The following ITGA9 variants were observed in gnomAD, a reference collection of about 807,000 sequenced individuals.
ITGA9 encodes the protein integrin alpha-9.
Under a neutral mutation model 127.8 loss-of-function variants are expected in ITGA9, and 56 were observed. The observed-to-expected ratio is 0.44, with a 90% CI of 0.35 to 0.55. ITGA9 has a LOEUF of 0.55. Ranked by LOEUF, ITGA9 falls within the 20% of genes least tolerant of loss-of-function variation. ITGA9 has a pLI of 0.00. For synonymous variants in ITGA9, 508 were observed against 514.5 expected, an observed-to-expected ratio of 0.99 and a Z score of 0.17; for missense variants, 1,196 against 1,347.1, an observed-to-expected ratio of 0.89 and a Z score of 1.76.
At chr3:37,773,714 G>A (rs1023267774) in intron 23 of ITGA9, among the ~76,000 whole-genome samples, 5 of 152,168 alleles carry the variant, frequency 3.3e-5, no homozygotes, top group Admixed American at 6.5e-5. Flanking sequence ...GACAAGTTCT[G>A]TACTTTCATG....
chr3:37,713,287 T>C (rs1410132435), intron 18 of ITGA9, among the ~76,000 whole-genome samples: 3 of 152,204 alleles, frequency 2.0e-5, no homozygotes, highest in Non-Finnish European at 2.9e-5. Flanking sequence ...ACCTTTCCTT[T>C]CACCTTTTAG....
chr3:37,499,577 C>G (rs560657527), intron 5 of ITGA9, among the ~76,000 whole-genome samples: 1 of 152,142 alleles, frequency 6.6e-6, no homozygotes, highest in Admixed American at 6.5e-5. Flanking sequence ...TCACTTTTTC[C>G]TAGCACTTGT....
At chr3:37,656,190 C>T (rs1272858976) in intron 17 of ITGA9, among the ~76,000 whole-genome samples, 1 of 152,056 alleles carries the variant, frequency 6.6e-6, no homozygotes, top group African/African-American at 2.4e-5. Flanking sequence ...TTTTTTGGTT[C>T]CATATGAAAT....
At chr3:37,558,983 G>GTATTTGTGTTAATTGGA (rs1458822349) in intron 15 of ITGA9, among the ~76,000 whole-genome samples, 67 of 152,284 alleles carry the variant, frequency 4.4e-4, no homozygotes, top group African/African-American at 1.6e-3. Context: ...CTTTCCACCT[G>GTATTTGTGTTAATTGGA]TATTTGTGTT....
chr3:37,636,148 G>C (rs1430611767), intron 16 of ITGA9, among the ~76,000 whole-genome samples: 1 of 152,182 alleles, frequency 6.6e-6, no homozygotes, highest in Non-Finnish European at 1.5e-5. Flanking sequence ...TATATACCCA[G>C]TAATGGGATG....
chr3:37,616,532 G>C (rs1559550216), intron 15 of ITGA9, among the ~76,000 whole-genome samples: 1 of 152,196 alleles, frequency 6.6e-6, no homozygotes, highest in Non-Finnish European at 1.5e-5. Flanking sequence ...TTAACTTTCT[G>C]TCTCGTTGAT....
chr3:37,623,289 T>C (rs921024284), intron 15 of ITGA9, among the ~76,000 whole-genome samples: 1 of 152,204 alleles, frequency 6.6e-6, no homozygotes, highest in Admixed American at 6.5e-5. Context: ...TATACTTATT[T>C]CTGTTTGGGA....
chr3:37,552,587 A>T (rs191620916), intron 15 of ITGA9, among the ~76,000 whole-genome samples: 2 of 152,272 alleles, frequency 1.3e-5, no homozygotes, highest in African/African-American at 4.8e-5. Context: ...GGCGTAAAAA[A>T]TTATGGAAGT....
Position 37,768,972 on chromosome 3 carries a change from C to T in ITGA9, c.2542-8420C>T, listed in dbSNP as rs574544035. Among the ~76,000 whole-genome samples, 13 of 152,166 alleles carry T rather than the reference C, an allele frequency of 8.5e-5. No homozygotes were observed. In the South Asian group the frequency reaches 1.9e-3, roughly 22 times the overall value. On this transcript the variant is annotated intron_variant, in intron 23 of 27. Coordinates refer to ENST00000264741, the MANE Select transcript of ITGA9 (RefSeq NM_002207.3). ...TGGTGACCCTCCCTATCCTTGGAAC[C>T]CCAGCCAGCTGATGGGGTTCGTACT... is the stretch of plus-strand genomic sequence containing the variant.
chr3:37,484,075 T>A (rs10510690), intron 4 of ITGA9, among the ~76,000 whole-genome samples: 16,602 of 152,260 alleles, frequency 0.11, 1,062 homozygotes, highest in Middle Eastern at 0.16. Context: ...GATGGTTAAA[T>A]GGAACTGGTG....
At position 37,452,680 on chromosome 3, in the gene ITGA9, T is replaced by A; in HGVS notation, c.185+121T>A. On this transcript the variant is annotated intron_variant, in intron 1 of 27. Coordinates refer to ENST00000264741, the MANE Select transcript of ITGA9 (RefSeq NM_002207.3). This position sits in a 1 kb window ranked among gnomAD's most constrained non-coding sequence, Gnocchi z 7.3. ...CGCCGTCCCGAGGGGGCGATTTAAATGTCTCCGTTGCGCGCGGCTCGGCCG... is the reference window on the plus strand; with the variant it reads ...CGCCGTCCCGAGGGGGCGATTTAAAAGTCTCCGTTGCGCGCGGCTCGGCCG... 1 of 829,828 alleles carries A rather than the reference T, an allele frequency of 1.2e-6. No homozygotes were observed. The highest frequency in any genetic ancestry group is 1.7e-6 in the Non-Finnish European group (1 of 596,614). 51.4% of individuals were successfully genotyped at this position (829,828 alleles called of 1,614,324 possible).
At position 37,471,036 on chromosome 3, in the gene ITGA9, C is replaced by G. The variant is rs1698425196; in HGVS notation, c.215C>G (p.Ser72Cys). ...WVLVGAPKAD[S>C]KYSPSVKSPG... ...CTTGTGGGCGCACCAAAGGCAGATT[C>G]CAAATACAGCCCTTCAGTGAAGTCT... is the stretch of plus-strand genomic sequence containing the variant. Residue 72 changes from serine to cysteine, a missense_variant, in exon 2 of 28, where the codon TCC (serine) becomes TGC (cysteine). By Grantham distance (112) the Ser-to-Cys change is moderately radical. Coordinates refer to ENST00000264741, the MANE Select transcript of ITGA9 (RefSeq NM_002207.3). 6.2e-7 allele frequency: 1 copy of G among 1,614,098 alleles called. No individual in the cohort carries two copies. The highest frequency in any genetic ancestry group is 1.3e-5 in the African/African-American group (1 of 75,020).
chr3:37,748,979 C>T (rs1320303046), intron 22 of ITGA9: 1 of 512,060 alleles, frequency 2.0e-6, no homozygotes, highest in Non-Finnish European at 3.5e-6. Flanking sequence ...AACCCATTGA[C>T]ATAGCTTCTT....
At chr3:37,508,816 C>T (rs962234904) in intron 8 of ITGA9, among the ~76,000 whole-genome samples, 189 bp downstream of exon 8, 13 of 152,102 alleles carry the variant, frequency 8.5e-5, no homozygotes, top group African/African-American at 3.1e-4. Flanking sequence ...GATTCATACT[C>T]GCTTTAGGAG....
rs1698578245 is a variant in ITGA9, at chr3:37,483,538, T to TC, written c.544+1933dup. On this transcript the variant is annotated intron_variant, in intron 4 of 27. Coordinates refer to ENST00000264741, the MANE Select transcript of ITGA9 (RefSeq NM_002207.3). ...GGAAGGCAGCCCATGGAAGATGTAC[T>TC]CCTCAGCACGTTACCTGGGCGAGTG... Among the ~76,000 whole-genome samples, 4 of 152,344 alleles carry TC rather than the reference T, an allele frequency of 2.6e-5. No individual in the cohort carries two copies. The East Asian group carries it at 7.7e-4, about 29-fold the overall frequency.
At chr3:37,685,138 T>A (rs1168674883) in intron 18 of ITGA9, among the ~76,000 whole-genome samples, 1 of 152,130 alleles carries the variant, frequency 6.6e-6, no homozygotes, top group Non-Finnish European at 1.5e-5. Context: ...TGGAAAACCT[T>A]CACTCTGCCC....
chr3:37,764,643 G>C (rs1274967147), intron 23 of ITGA9, among the ~76,000 whole-genome samples: 1 of 152,028 alleles, frequency 6.6e-6, no homozygotes, highest in South Asian at 2.1e-4. Context: ...CTCTCACTTT[G>C]TACTTCCCTG....
chr3:37,560,354 A>T (rs530896907), intron 15 of ITGA9, among the ~76,000 whole-genome samples: 1 of 152,310 alleles, frequency 6.6e-6, no homozygotes, highest in African/African-American at 2.4e-5. Context: ...TCTATCATTG[A>T]TGGACATTTG....
At chr3:37,668,277 C>G (rs143683421) in intron 17 of ITGA9, among the ~76,000 whole-genome samples, 2 of 152,178 alleles carry the variant, frequency 1.3e-5, no homozygotes, top group South Asian at 4.1e-4. Context: ...GTGCTCATAG[C>G]GGCCTTCCTC....
Sources: allele counts gnomAD v4.1 joint callset (sites outside exome capture counted in the v4.1 genomes callset), GRCh38; gene constraint gnomAD v4.1.1; non-coding constraint Gnocchi (gnomAD v3.1); transcripts MANE v1.5; gene names NCBI Gene and HGNC (gene_info 2026-07-23, HGNC 2026-07-21).